Variants in RBFOX1 observed in about 807,000 individuals in gnomAD.
RBFOX1 encodes the protein RNA binding protein fox-1 homolog 1.
Under a neutral mutation model 57.7 loss-of-function variants are expected in RBFOX1, and 8 were observed. The observed-to-expected ratio is 0.14, with a 90% CI of 0.08 to 0.25. The LOEUF is 0.25. RBFOX1 is among the 10% of genes least tolerant of loss of function. RBFOX1 has a pLI of 1.00. For missense variants in RBFOX1, 611 were observed against 548.5 expected, an observed-to-expected ratio of 1.11 and a Z score of -1.14; for synonymous variants, 326 against 222.4, an observed-to-expected ratio of 1.47 and a Z score of -4.15.
At chr16:5,983,153 T>C (rs2060208015) in intron 4 of RBFOX1, among the ~76,000 whole-genome samples, 2 of 152,208 alleles carry the variant, frequency 1.3e-5, no homozygotes, top group South Asian at 4.1e-4. Flanking sequence ...TCTGCGTCCC[T>C]GCCCCCCATT....
At chr16:6,046,983 T>C (rs1349048800) in intron 1 of RBFOX1, among the ~76,000 whole-genome samples, 1 of 152,100 alleles carries the variant, frequency 6.6e-6, no homozygotes, top group African/African-American at 2.4e-5. Context: ...ATGTGCAGAG[T>C]TGGCATCCTT....
chr16:6,931,269 AAATCT>A (rs1185762216), intron 3 of RBFOX1, among the ~76,000 whole-genome samples: 3 of 149,010 alleles, frequency 2.0e-5, no homozygotes, highest in African/African-American at 7.4e-5. Flanking sequence ...CAAAAAAAAA[AAATCT>A]ATCTATCTGT....
chr16:6,805,567 C>G (rs562399570), intron 3 of RBFOX1, among the ~76,000 whole-genome samples: 3 of 152,138 alleles, frequency 2.0e-5, no homozygotes, highest in African/African-American at 4.8e-5. Flanking sequence ...CTTCAGTTAT[C>G]ACATTGAAAG....
At chr16:6,134,452 G>T (rs1307599103) in intron 1 of RBFOX1, among the ~76,000 whole-genome samples, 1 of 152,130 alleles carries the variant, frequency 6.6e-6, no homozygotes, top group East Asian at 1.9e-4. Context: ...CTTGTTAGGG[G>T]TATTGTACTA....
chr16:6,317,211 T>C (rs893902625), intron 2 of RBFOX1, among the ~76,000 whole-genome samples, 154 bp downstream of exon 2: 8 of 152,218 alleles, frequency 5.3e-5, no homozygotes, highest in African/African-American at 1.9e-4. Flanking sequence ...GTATCAGAGA[T>C]GAGAAGAGGG....
At position 5,525,858 on chromosome 16, in the gene RBFOX1, C is replaced by G. The variant is rs185405483; in HGVS notation, c.258+58604C>G. ...ACAAAGCTCCCTGTTGCTGCATGCA[C>G]CAAGTGGCAAATTTTTAATATTAAT... On this transcript the variant is annotated intron_variant, in intron 2 of 2. Transcript: ENST00000585867. Among the ~76,000 whole-genome samples, 23 of 152,156 alleles carry G rather than the reference C, an allele frequency of 1.5e-4. 1 individual carries two copies. The highest frequency in any genetic ancestry group is 1.1e-3 in the Admixed American group (17 of 15,284).
Position 7,191,445 on chromosome 16 carries a change from C to T in RBFOX1, c.27+139347C>T, listed in dbSNP as rs577893924. On this transcript the variant is annotated intron_variant, in intron 4 of 15. Coordinates refer to ENST00000550418, the MANE Select transcript of RBFOX1 (RefSeq NM_018723.4). Reference sequence around the variant, plus strand: ...ACAATTGTCCTCATGGCTTGTAACACATCATTTAATGAATTGATCACAGTG... The same window carrying T: ...ACAATTGTCCTCATGGCTTGTAACATATCATTTAATGAATTGATCACAGTG... Among the ~76,000 whole-genome samples the T allele has an allele frequency of 3.9e-5, 6 of 151,946 alleles. No homozygotes were observed. In the East Asian group the frequency reaches 9.7e-4, roughly 25 times the overall value.
chr16:5,764,897 A>G (rs2053723228), intron 3 of RBFOX1, among the ~76,000 whole-genome samples: 1 of 152,160 alleles, frequency 6.6e-6, no homozygotes, highest in East Asian at 1.9e-4. Flanking sequence ...TGATCATCCT[A>G]TGAAATAAAT....
chr16:6,229,253 A>C (rs1304532190), intron 1 of RBFOX1, among the ~76,000 whole-genome samples: 1 of 152,190 alleles, frequency 6.6e-6, no homozygotes, highest in Middle Eastern at 3.2e-3. Flanking sequence ...CAAAACTCAA[A>C]AGCAAACCTC....
At chr16:6,972,557 A>T (rs1568160093) in intron 3 of RBFOX1, among the ~76,000 whole-genome samples, 1 of 152,148 alleles carries the variant, frequency 6.6e-6, no homozygotes, top group Non-Finnish European at 1.5e-5. Flanking sequence ...GGGGATACAA[A>T]TATATTGCAG....
intron 3 of RBFOX1, among the ~76,000 whole-genome samples, chr16:5,692,165 C>CTTTGTGTGTGTG (rs1390205902): frequency 1.3e-4 from 3 of 22,902 alleles, no homozygotes; most frequent in African/African-American, 1.6e-4. Context: ...TAGGGACTGA[C>CTTTGTGTGTGTG]TGTGTGTGTG....
At chr16:7,284,925 C>T (rs1294869680) in intron 4 of RBFOX1, among the ~76,000 whole-genome samples, 1 of 152,148 alleles carries the variant, frequency 6.6e-6, no homozygotes, top group African/African-American at 2.4e-5. Flanking sequence ...CCTTGCCACA[C>T]ACTGTTTCCT....
At chr16:6,703,560 A>G (rs2062191409) in intron 3 of RBFOX1, among the ~76,000 whole-genome samples, 1 of 152,044 alleles carries the variant, frequency 6.6e-6, no homozygotes, top group Non-Finnish European at 1.5e-5. Context: ...TAAAAATAAA[A>G]AAAGCCTGGT....
At chr16:7,396,492 C>T (rs1203918474) in intron 4 of RBFOX1, among the ~76,000 whole-genome samples, 2 of 152,214 alleles carry the variant, frequency 1.3e-5, no homozygotes, top group Non-Finnish European at 2.9e-5. Flanking sequence ...CGTCCTGATT[C>T]ATAAGTGGAT....
At chr16:6,651,458 T>C (rs1205223018) in intron 2 of RBFOX1, among the ~76,000 whole-genome samples, 2 of 152,162 alleles carry the variant, frequency 1.3e-5, no homozygotes, top group Non-Finnish European at 2.9e-5. Flanking sequence ...CCCCCAAATT[T>C]TTCTCCCTAC....
Position 7,273,200 on chromosome 16 carries a change from CCCTCCCTTCCTTCCTTCCTT to C in RBFOX1, c.27+221106_27+221125del, listed in dbSNP as rs1355383666. Among the ~76,000 whole-genome samples the C allele has an allele frequency of 9.9e-4, 53 of 53,378 alleles. 1 individual carries two copies. Among genetic ancestry groups the C allele is most frequent in the African/African-American group, 4.0e-3 (52 of 12,864 alleles). The allele number at this position is 53,378 out of a possible 152,430, so 35.0% of individuals were successfully genotyped here. On this transcript the variant is annotated intron_variant, in intron 4 of 15. Transcript: ENST00000550418. ...TCCCTTCCTTCCTCCCTTCCTTCCT[CCCTCCCTTCCTTCCTTCCTT>C]CCTTCCTTCCTTCCTTCCTTCCTTC...
chr16:7,029,682 T>G (rs1380102322), intron 3 of RBFOX1, among the ~76,000 whole-genome samples: 3 of 152,136 alleles, frequency 2.0e-5, no homozygotes, highest in South Asian at 2.1e-4. Flanking sequence ...TCAAAACAGA[T>G]GAAAGAAGCT....
intron 3 of RBFOX1, among the ~76,000 whole-genome samples, chr16:5,740,948 T>C (rs1226630504): frequency 6.6e-6 from 1 of 151,954 alleles, no homozygotes; most frequent in Admixed American, 6.6e-5. Flanking sequence ...TCATGATGAG[T>C]TGGAGTGGGA....
At chr16:6,346,777 C>T (rs1344905514) in intron 2 of RBFOX1, among the ~76,000 whole-genome samples, 1 of 152,124 alleles carries the variant, frequency 6.6e-6, no homozygotes, top group Non-Finnish European at 1.5e-5. Flanking sequence ...GTAATTGAGG[C>T]TTGTCTTGGG....
Sources: gnomAD v4.1 joint callset for allele counts (sites outside exome capture counted in the v4.1 genomes callset) on GRCh38, gnomAD v4.1.1 for gene constraint, MANE v1.5 for transcripts, NCBI Gene and HGNC (gene_info 2026-07-23, HGNC 2026-07-21) for gene names.